Variants in SLC9A3 observed in about 807,000 individuals in gnomAD.
SLC9A3 encodes sodium/hydrogen exchanger 3.
SLC9A3 carries 37 observed loss-of-function variants against 86.8 expected under a neutral mutation model. That is an observed-to-expected ratio of 0.43 (90% confidence interval 0.33 to 0.56). SLC9A3 has a LOEUF of 0.56. SLC9A3 is among the 20% of genes least tolerant of loss of function. The pLI is 0.06. For missense variants in SLC9A3, 1,011 were observed against 1,171.9 expected (o/e 0.86, Z 2.00); for synonymous variants, 581 against 528.3 (o/e 1.10, Z -1.37).
chr5:472,900 C>T lies in SLC9A3; in HGVS notation c.*479G>A, dbSNP rs1002007585. On this transcript the variant is annotated 3_prime_UTR_variant, in exon 17 of 17. Coordinates refer to ENST00000264938, the MANE Select transcript of SLC9A3 (RefSeq NM_004174.4). Reference sequence around the variant, plus strand: ...CCGTTTGGGGCGAGCCTCGGTTTCCCGGCAGCGGTGGGAAAGGGCGCGAGC... The same window carrying T: ...CCGTTTGGGGCGAGCCTCGGTTTCCTGGCAGCGGTGGGAAAGGGCGCGAGC... 4 of 523,390 alleles carry T rather than the reference C, an allele frequency of 7.6e-6. No individual in the cohort carries two copies. The highest frequency in any genetic ancestry group is 1.4e-5 in the Non-Finnish European group (4 of 285,364). 32.4% of individuals were successfully genotyped at this position (523,390 alleles called of 1,614,324 possible).
Position 472,713 on chromosome 5 carries a change from G to A in SLC9A3, c.*666C>T, listed in dbSNP as rs988952192. ...AAAGACCTGGCGAGGGCCTGGAAAC[G>A]GCGCTCGGCCCAGGCCGCTTGCGGG... On this transcript the variant is annotated 3_prime_UTR_variant, in exon 17 of 17. Coordinates refer to ENST00000264938, the MANE Select transcript of SLC9A3 (RefSeq NM_004174.4). 1.8e-6 allele frequency: 1 copy of A among 555,518 alleles called. No homozygotes were observed. Among genetic ancestry groups the A allele is most frequent in the Non-Finnish European group, 3.4e-6 (1 of 290,800 alleles). 34.4% of individuals were successfully genotyped at this position (555,518 alleles called of 1,614,324 possible). A position where few individuals can be genotyped will look rare whatever the true frequency, so the allele number is the denominator to read the frequency against.
chr5:477,704 C>A, intron 10 of SLC9A3: 1 of 443,158 alleles, frequency 2.3e-6, no homozygotes, highest in South Asian at 3.2e-5. Context: ...TGGGAGGACA[C>A]AGTGGTCTGA....
chr5:476,440 C>T (rs543530354), intron 12 of SLC9A3, 62 bp from the exon 13 acceptor site: 31 of 1,606,244 alleles, frequency 1.9e-5, no homozygotes, highest in Admixed American at 1.3e-4. Flanking sequence ...GCCCTCCTGC[C>T]GCAGGAGCTG....
Position 473,366 on chromosome 5 carries a change from G to T in SLC9A3, c.*13C>A. ...GGGACGAGCGGCCGGTTAGCGGCGT[G>T]TCGGAGCCGGTGTCACCTGCGGGAG... On this transcript the variant is annotated 3_prime_UTR_variant, in exon 17 of 17. Coordinates refer to ENST00000264938, the MANE Select transcript of SLC9A3 (RefSeq NM_004174.4). 1 of 1,419,108 alleles carries T rather than the reference G, an allele frequency of 7.0e-7. No individual in the cohort carries two copies. 87.9% of individuals were successfully genotyped at this position (1,419,108 alleles called of 1,614,324 possible).
rs1452831001 is a variant in SLC9A3 at position 475,932 on chromosome 5, C to G, written c.2140+88G>C. On this transcript the variant is annotated intron_variant, in intron 14 of 16. Coordinates refer to ENST00000264938, the MANE Select transcript of SLC9A3 (RefSeq NM_004174.4). ...TGGAGGGTCCCCAGAGGGGAAGGTC[C>G]TGAGAGGGGAGGTTCCCGAGCCGGG... 7.5e-6 allele frequency: 9 copies of G among 1,200,056 alleles called. No homozygotes were observed. The East Asian group carries it at 2.0e-4, about 27-fold the overall frequency. The allele number at this position is 1,200,056 out of a possible 1,614,324, so 74.3% of individuals were successfully genotyped here. A position where few individuals can be genotyped will look rare whatever the true frequency, so the allele number is the denominator to read the frequency against.
intron 1 of SLC9A3, among the ~76,000 whole-genome samples, chr5:523,018 T>A (rs1410531856): frequency 6.6e-6 from 1 of 151,636 alleles, no homozygotes; most frequent in East Asian, 2.0e-4. Context: ...GGCGGGGAGC[T>A]GAAAGACACC....
chr5:518,949 G>T (rs540345832), intron 1 of SLC9A3, among the ~76,000 whole-genome samples: 1 of 152,246 alleles, frequency 6.6e-6, no homozygotes, highest in Non-Finnish European at 1.5e-5. Flanking sequence ...TCCCTGCCCC[G>T]ATGCTATCAG....
Position 524,324 on chromosome 5 carries a change from G to A in SLC9A3, c.-2C>T. 8.0e-7 allele frequency: 1 copy of A among 1,246,238 alleles called. No homozygotes were observed. Among genetic ancestry groups the A allele is most frequent in the Non-Finnish European group, 1.0e-6 (1 of 985,742 alleles). The allele number at this position is 1,246,238 out of a possible 1,614,324, so 77.2% of individuals were successfully genotyped here. A position where few individuals can be genotyped will look rare whatever the true frequency, so the allele number is the denominator to read the frequency against. On this transcript the variant is annotated 5_prime_UTR_variant, in exon 1 of 17. Coordinates refer to ENST00000264938, the MANE Select transcript of SLC9A3 (RefSeq NM_004174.4). ...GCCCCGGGCCCCGAGTCCCCACATT[G>A]CCGCCTGCTCAGCGCAGGGCTGGGA...
rs749030561 is a variant in SLC9A3, at chr5:477,463, C to T, written c.1648-19G>A. The T allele has an allele frequency of 5.0e-6, 8 of 1,585,524 alleles. No homozygotes were observed. The East Asian group carries it at 1.3e-4, about 27-fold the overall frequency. ...GCTCTCCCTGTGGTCAGGAAGCAGC[C>T]CGGTCAGTGGCCTGAGCAGCCAAGC... On this transcript the variant is annotated intron_variant, in intron 10 of 16. Transcript: ENST00000264938.
rs755411995 is a variant in SLC9A3, at chr5:475,065, G to C, written c.2319C>G (p.Pro773=). The C allele has an allele frequency of 1.9e-5, 30 of 1,611,886 alleles. No individual in the cohort carries two copies. The highest frequency in any genetic ancestry group is 2.4e-5 in the Non-Finnish European group (28 of 1,179,588). ...CCACCGTCTCCCCGGGAGACAGCCA[G>C]GGCGGCAGCCTGGCCAGGAGGCTGC... is the stretch of plus-strand genomic sequence containing the variant. ...LDRSLLARLP[P]WLSPGETVVP... The change falls in exon 16 of 17, where the codon CCC becomes CCG. Residue 773 remains proline (P), a synonymous_variant. Coordinates refer to ENST00000264938, the MANE Select transcript of SLC9A3 (RefSeq NM_004174.4).
At chr5:489,554 G>C (rs1021479201) in intron 2 of SLC9A3, among the ~76,000 whole-genome samples, 3 of 152,222 alleles carry the variant, frequency 2.0e-5, no homozygotes, top group Non-Finnish European at 2.9e-5. Flanking sequence ...CGAGTTTGCT[G>C]TGAGCTCCTA....
At chr5:502,829 C>T (rs371843488) in intron 1 of SLC9A3, among the ~76,000 whole-genome samples, 1 of 103,714 alleles carries the variant, frequency 9.6e-6, no homozygotes. Context: ...AGACGGGCGC[C>T]GAAAGCCGCC....
In SLC9A3 at chr5:491,041, A is replaced by G. The variant is rs556261401; in HGVS notation, c.514+728T>C. On this transcript the variant is annotated intron_variant, in intron 2 of 16. Transcript: ENST00000264938. The surrounding 1 kb of genome is among the most constrained non-coding windows in gnomAD (Gnocchi z 9.2). The stretch of plus-strand genomic sequence containing the variant: ...TCTTGAACCAGACGGAAAATCGCCA[A>G]TTCTTGTGAGTCTGGTTCAGCTGGT... 1.9e-4 allele frequency among the ~76,000 whole-genome samples: 29 copies of G among 152,316 alleles called. No homozygotes were observed. The South Asian group carries it at 5.6e-3, about 29-fold the overall frequency.
chr5:489,755 G>A (rs937933104), intron 2 of SLC9A3, among the ~76,000 whole-genome samples: 2 of 152,254 alleles, frequency 1.3e-5, no homozygotes, highest in South Asian at 2.1e-4. Context: ...TGGCACGGCC[G>A]CCCCCAGGGC....
chr5:506,281 G>T (rs891393913), intron 1 of SLC9A3, among the ~76,000 whole-genome samples: 2 of 152,182 alleles, frequency 1.3e-5, no homozygotes, highest in Non-Finnish European at 2.9e-5. Flanking sequence ...GACAAAGGTG[G>T]AAAGACACAC....
intron 1 of SLC9A3, among the ~76,000 whole-genome samples, chr5:516,028 T>A (rs1435414079): frequency 2.5e-4 from 5 of 20,206 alleles, no homozygotes; most frequent in African/African-American, 4.3e-4. Context: ...CCCTGCCCCC[T>A]CACACACACA....
chr5:473,349 C>A lies in SLC9A3; in HGVS notation c.*30G>T. ...GGGCGGACCGTGGCGCGGGGACGAG[C>A]GGCCGGTTAGCGGCGTGTCGGAGCC... On this transcript the variant is annotated 3_prime_UTR_variant, in exon 17 of 17. Coordinates refer to ENST00000264938, the MANE Select transcript of SLC9A3 (RefSeq NM_004174.4). 1 of 1,415,736 alleles carries A rather than the reference C, an allele frequency of 7.1e-7. No individual in the cohort carries two copies. The highest frequency in any genetic ancestry group is 1.5e-5 in the South Asian group (1 of 68,886). The allele number at this position is 1,415,736 out of a possible 1,614,324, so 87.7% of individuals were successfully genotyped here.
intron 11 of SLC9A3, among the ~76,000 whole-genome samples, 159 bp from the exon 12 acceptor site, chr5:476,831 A>T (rs528509935): frequency 5.9e-5 from 9 of 152,288 alleles, no homozygotes; most frequent in Admixed American, 5.9e-4. Context: ...GACATCTGCC[A>T]TCTGGCCAGC....
chr5:498,955 C>T (rs565498778), intron 1 of SLC9A3, among the ~76,000 whole-genome samples: 3 of 152,294 alleles, frequency 2.0e-5, no homozygotes, highest in South Asian at 4.2e-4. Context: ...TGGGCTTCTG[C>T]TTCTTCCTCC....
Sources: allele counts gnomAD v4.1 joint callset (sites outside exome capture counted in the v4.1 genomes callset), GRCh38; gene constraint gnomAD v4.1.1; non-coding constraint Gnocchi (gnomAD v3.1); transcripts MANE v1.5; gene names NCBI Gene and HGNC (gene_info 2026-07-23, HGNC 2026-07-21).